TRIM37: variants seen among roughly 807,000 people sequenced by gnomAD.
TRIM37 encodes E3 ubiquitin-protein ligase TRIM37.
Under a neutral mutation model 129.8 loss-of-function variants are expected in TRIM37, and 80 were observed. That is an observed-to-expected ratio of 0.62 (90% CI 0.51 to 0.74). The LOEUF (loss-of-function observed/expected upper bound fraction) is 0.74. Ranked by LOEUF, TRIM37 falls within the 30% of genes least tolerant of loss-of-function variation. TRIM37 has a pLI of 0.00. For missense variants in TRIM37, 1,054 were observed against 1,176.5 expected (o/e 0.90, Z 1.52); for synonymous variants, 389 against 387.1 (o/e 1.00, Z -0.06).
chr17:59,040,758 T>C (rs958097268), intron 17 of TRIM37, among the ~76,000 whole-genome samples: 1 of 152,120 alleles, frequency 6.6e-6, no homozygotes, highest in South Asian at 2.1e-4. Context: ...ATATTAAGAA[T>C]ATGCCAGGCC....
chr17:59,086,119 G>T (rs922222228), intron 4 of TRIM37, among the ~76,000 whole-genome samples: 16 of 152,054 alleles, frequency 1.1e-4, no homozygotes, highest in African/African-American at 3.6e-4. Flanking sequence ...ATGTGAACAT[G>T]CTTAACATAA....
At chr17:59,024,325 GAA>G in intron 19 of TRIM37, among the ~76,000 whole-genome samples, 1 of 150,502 alleles carries the variant, frequency 6.6e-6, no homozygotes, top group South Asian at 2.1e-4. Flanking sequence ...TACTATCAGA[GAA>G]AAAGAGATTC....
intron 4 of TRIM37, among the ~76,000 whole-genome samples, chr17:59,084,432 T>C (rs1201183970): frequency 6.6e-6 from 1 of 152,196 alleles, no homozygotes; most frequent in Non-Finnish European, 1.5e-5. Context: ...ATCATATTGA[T>C]TATGCATCTA....
At chr17:59,003,011 C>G (rs1040534456) in intron 22 of TRIM37, among the ~76,000 whole-genome samples, 1 of 152,178 alleles carries the variant, frequency 6.6e-6, no homozygotes, top group African/African-American at 2.4e-5. Flanking sequence ...CCTCAGCCTC[C>G]CAACAGGCCT....
At chr17:59,096,045 A>G (rs2044823633) in intron 2 of TRIM37, among the ~76,000 whole-genome samples, 1 of 152,168 alleles carries the variant, frequency 6.6e-6, no homozygotes, top group African/African-American at 2.4e-5. Flanking sequence ...ACAAACATCT[A>G]TACCACTAAA....
the TRIM37 span, chr17:58,972,205 AT>A: frequency 6.2e-7 from 1 of 1,614,076 alleles, no homozygotes; most frequent in Non-Finnish European, 8.5e-7. Flanking sequence ...TGGGTGGGTG[AT>A]TCCCAGGTTA....
intron 2 of TRIM37, among the ~76,000 whole-genome samples, chr17:59,094,751 TGAAAAACAAAAA>T (rs1279689978): frequency 2.6e-5 from 4 of 151,404 alleles, no homozygotes; most frequent in Non-Finnish European, 4.4e-5. Context: ...TTTGGCATGG[TGAAAAACAAAAA>T]CAAAAACAAA....
At chr17:59,081,280 T>C in intron 5 of TRIM37, 61 bp from the exon 6 acceptor site, 1 of 1,588,964 alleles carries the variant, frequency 6.3e-7, no homozygotes, top group Non-Finnish European at 8.6e-7. Context: ...TTACATTCCT[T>C]TGTAACACTC....
At chr17:59,019,314 A>C (rs933145999) in intron 19 of TRIM37, among the ~76,000 whole-genome samples, 7 of 152,228 alleles carry the variant, frequency 4.6e-5, no homozygotes, top group African/African-American at 1.7e-4. Flanking sequence ...AATATCATGC[A>C]GACATAAAAA....
At chr17:58,998,065 C>G (rs765919758), downstream of TRIM37, 4 of 294,874 alleles carry the variant, frequency 1.4e-5, no homozygotes, top group African/African-American at 4.5e-5. Flanking sequence ...TGACTGGGAT[C>G]GATGCTAGGC....
chr17:59,059,999 C>T (rs911211781), intron 12 of TRIM37, among the ~76,000 whole-genome samples: 1 of 152,204 alleles, frequency 6.6e-6, no homozygotes, highest in Non-Finnish European at 1.5e-5. Flanking sequence ...GTAGTTTCCT[C>T]AGACATATGC....
At chr17:58,997,550 T>TA (rs1467011043), downstream of TRIM37, among the ~76,000 whole-genome samples, 1 of 152,096 alleles carries the variant, frequency 6.6e-6, no homozygotes, top group Non-Finnish European at 1.5e-5. Context: ...CACAAGTAGT[T>TA]AAAGTTGTCC....
intron 5 of TRIM37, among the ~76,000 whole-genome samples, chr17:59,082,984 T>TA (rs1171938821): frequency 1.3e-5 from 2 of 152,212 alleles, no homozygotes; most frequent in Non-Finnish European, 2.9e-5. Context: ...CCGTAAAACA[T>TA]ACTGACTGAT....
chr17:59,042,450 ATATATAT>A (rs1380158175), intron 16 of TRIM37, among the ~76,000 whole-genome samples: 1 of 35,804 alleles, frequency 2.8e-5, no homozygotes, highest in African/African-American at 8.6e-5. Context: ...AAAAAAAAAA[ATATATAT>A]ATATATATAT....
At chr17:59,025,671 G>A (rs766369256) in intron 19 of TRIM37, among the ~76,000 whole-genome samples, 14 of 151,934 alleles carry the variant, frequency 9.2e-5, no homozygotes, top group South Asian at 2.1e-4. Context: ...GGCATCACCC[G>A]AATACTGTAT....
rs188021991 is a variant in TRIM37, at chr17:59,011,814, T to C, written c.2695+514A>G. 5.9e-5 allele frequency among the ~76,000 whole-genome samples: 9 copies of C among 152,356 alleles called. No individual in the cohort carries two copies. The East Asian group carries it at 1.7e-3, about 29-fold the overall frequency. On this transcript the variant is annotated intron_variant, in intron 22 of 23. Transcript: ENST00000262294. The stretch of plus-strand genomic sequence containing the variant: ...CTTCTTTAAGAAGAATAAAGCAATC[T>C]ACAGACACTAATTAAGACTGACTTT...
intron 24 of TRIM37, chr17:58,984,432 G>A (rs1475387694): frequency 6.6e-6 from 1 of 152,574 alleles, no homozygotes; most frequent in Non-Finnish European, 1.5e-5. Flanking sequence ...GGCTTTGTGG[G>A]AAAATGATCT....
chr17:59,012,207 C>G, intron 22 of TRIM37, 121 bp downstream of exon 22: 1 of 762,740 alleles, frequency 1.3e-6, no homozygotes, highest in Non-Finnish European at 2.3e-6. Flanking sequence ...CTATCCCTAT[C>G]ACTACCACCA....
At chr17:58,985,084 G>C (rs1318605290) in intron 24 of TRIM37, 2 of 152,618 alleles carry the variant, frequency 1.3e-5, no homozygotes. Context: ...GTAGTCATGA[G>C]TGATCCTTCA....
Sources: gnomAD v4.1 joint callset for allele counts (sites outside exome capture counted in the v4.1 genomes callset) on GRCh38, gnomAD v4.1.1 for gene constraint, MANE v1.5 for transcripts, NCBI Gene and HGNC (gene_info 2026-07-23, HGNC 2026-07-21) for gene names.